The following NAA38 variants were observed in gnomAD, a reference collection of about 807,000 sequenced individuals.
NAA38 encodes the protein N-alpha-acetyltransferase 38, NatC auxiliary subunit, also known as LSM domain containing 1.
A neutral mutation model predicts 12.6 loss-of-function variants in NAA38; 15 were observed. The ratio of observed to expected loss-of-function variants is 1.19; its 90% CI spans 0.79 to 1.83. NAA38 has a LOEUF of 1.83. Ranked by LOEUF, NAA38 falls within the 40% of genes most tolerant of loss-of-function variation. The probability of loss-of-function intolerance (pLI) is 0.00; values close to 1 mark genes in which losing one functional copy is unlikely to be tolerated. For synonymous variants in NAA38, 88 were observed against 69.9 expected, an observed-to-expected ratio of 1.26 and a Z score of -1.29; for missense variants, 183 against 171.7, an observed-to-expected ratio of 1.07 and a Z score of -0.37.
chr17:7,884,480 A>G (rs1201908948), intron 1 of NAA38, among the ~76,000 whole-genome samples: 39 of 128,052 alleles, frequency 3.0e-4, no homozygotes, highest in Non-Finnish European at 4.1e-4. Context: ...ATATATATGT[A>G]TATATATATA....
At chr17:7,872,372 TG>T (rs1477403122) in intron 2 of NAA38, among the ~76,000 whole-genome samples, 9 of 152,188 alleles carry the variant, frequency 5.9e-5, no homozygotes, top group Non-Finnish European at 1.2e-4. Context: ...TTACATTTTT[TG>T]TTTTGTTTTG....
chr17:7,878,029 A>G (rs189622054), intron 2 of NAA38, among the ~76,000 whole-genome samples: 61 of 152,014 alleles, frequency 4.0e-4, no homozygotes, highest in African/African-American at 1.4e-3. Flanking sequence ...TAAAATATGT[A>G]CCTATATTAT....
exon 2 of NAA38, chr17:7,883,327 G>A (rs1322242663): frequency 6.6e-6 from 1 of 152,120 alleles, no homozygotes; most frequent in Non-Finnish European, 1.5e-5. Context: ...TGGAGGGAAG[G>A]CAAATATACT....
chr17:7,871,963 T>C (rs1035543825), intron 2 of NAA38, among the ~76,000 whole-genome samples: 4 of 152,160 alleles, frequency 2.6e-5, no homozygotes, highest in Non-Finnish European at 5.9e-5. Flanking sequence ...CCTTACAATC[T>C]TCTTGTCACT....
intron 1 of NAA38, chr17:7,884,879 G>T: frequency 7.5e-7 from 1 of 1,328,646 alleles, no homozygotes. Flanking sequence ...AGAAGAGGAG[G>T]AAGAAGAGGG....
chr17:7,882,863 G>C (rs73233646), intron 2 of NAA38, among the ~76,000 whole-genome samples: 5 of 152,078 alleles, frequency 3.3e-5, no homozygotes, highest in Non-Finnish European at 7.4e-5. Context: ...GAGCACCGCC[G>C]AAGATGGGTG....
At chr17:7,866,320 G>C (rs1008649478) in intron 3 of NAA38, among the ~76,000 whole-genome samples, 1 of 143,576 alleles carries the variant, frequency 7.0e-6, no homozygotes, top group African/African-American at 2.6e-5. Flanking sequence ...GTGTTAGCCA[G>C]GATGGTCTTG....
intron 2 of NAA38, among the ~76,000 whole-genome samples, chr17:7,879,632 T>G (rs900638570): frequency 2.9e-5 from 4 of 138,294 alleles, no homozygotes; most frequent in African/African-American, 1.1e-4. Context: ...CTTAATAGTC[T>G]TCTCATTAAA....
At chr17:7,875,507 A>C (rs1053530797) in intron 2 of NAA38, among the ~76,000 whole-genome samples, 2 of 151,992 alleles carry the variant, frequency 1.3e-5, no homozygotes, top group Non-Finnish European at 2.9e-5. Flanking sequence ...GCTAATTTTT[A>C]AACTTTTTTT....
chr17:7,873,958 C>G (rs1363489996), intron 2 of NAA38, among the ~76,000 whole-genome samples: 1 of 152,122 alleles, frequency 6.6e-6, no homozygotes. Context: ...GATTCCTGAA[C>G]AGAAACACTG....
In NAA38 at chr17:7,856,738, T is replaced by C; in HGVS notation, c.371A>G (p.Tyr124Cys). ...VQRESLTGPP[Y>C]L is the part of the protein sequence containing the mutation. ...AGGTAAGCGCCATCGTGGTCAGAGA[T>C]ACGGAGGCCCGGTCAGACTCTCCCT... Residue 124 changes from tyrosine to cysteine, a missense_variant, in exon 3 of 3, where the codon TAT becomes TGT. Tyr to Cys is a radical substitution (Grantham distance 194). Transcript: ENST00000575771. The C allele has an allele frequency of 6.2e-7, 1 of 1,613,480 alleles. No homozygotes were observed. Among genetic ancestry groups the C allele is most frequent in the Admixed American group, 1.7e-5 (1 of 60,010 alleles).
At chr17:7,884,422 G>A (rs1967423107) in intron 1 of NAA38, among the ~76,000 whole-genome samples, 1 of 144,306 alleles carries the variant, frequency 6.9e-6, no homozygotes, top group Non-Finnish European at 1.5e-5. Context: ...AACGGAGAGG[G>A]GGGCAGAGAG....
Position 7,871,730 on chromosome 17 carries a change from T to C in NAA38, c.-65-5172A>G, listed in dbSNP as rs556010688. Among the ~76,000 whole-genome samples, 186 of 152,132 alleles carry C rather than the reference T, an allele frequency of 1.2e-3. 3 individuals carry two copies. The highest frequency in any genetic ancestry group is 4.1e-3 in the African/African-American group (171 of 41,492). The stretch of plus-strand genomic sequence containing the variant: ...AGTGCAGTGGTGCAATCTTGGCTCA[T>C]TGCAACCTCCGCCTCCCGAGTTCAA... On this transcript the variant is annotated intron_variant, in intron 2 of 4. Transcript: ENST00000576861.
At chr17:7,872,689 T>C (rs1039460793) in intron 2 of NAA38, among the ~76,000 whole-genome samples, 1 of 152,232 alleles carries the variant, frequency 6.6e-6, no homozygotes, top group African/African-American at 2.4e-5. Flanking sequence ...CACTATTTAA[T>C]CCATCTGAAA....
intron 2 of NAA38, among the ~76,000 whole-genome samples, chr17:7,876,890 T>A (rs1231168649): frequency 3.3e-5 from 5 of 152,196 alleles, no homozygotes; most frequent in Non-Finnish European, 7.4e-5. Context: ...TATTCACATA[T>A]TTTTTTCTTT....
upstream of NAA38, chr17:7,860,575 C>T (rs538807442): frequency 6.6e-6 from 1 of 152,310 alleles, no homozygotes; most frequent in African/African-American, 2.4e-5. Context: ...TCCATGTTCT[C>T]TCAATATAAA....
upstream of NAA38, chr17:7,862,313 T>C (rs1466859875): frequency 6.6e-6 from 1 of 152,050 alleles, no homozygotes; most frequent in Non-Finnish European, 1.5e-5. Flanking sequence ...CTATACCTAG[T>C]GGGGGGGATG....
rs1163450836 is a variant in NAA38, at chr17:7,857,550, C to A, written c.-87G>T. ...GAGATCTCGCGAGCGCTCCCGACCT[C>A]TTTCCTTTCGCGAGATCCCCTCTCC... On this transcript the variant is annotated 5_prime_UTR_variant, in exon 1 of 3. Transcript: ENST00000575771. The A allele has an allele frequency of 2.1e-6, 3 of 1,436,296 alleles. No individual in the cohort carries two copies. In the African/African-American group the frequency reaches 4.3e-5, roughly 21 times the overall value. The allele number at this position is 1,436,296 out of a possible 1,614,324, so 89.0% of individuals were successfully genotyped here. A position where few individuals can be genotyped will look rare whatever the true frequency, so the allele number is the denominator to read the frequency against.
intron 2 of NAA38, among the ~76,000 whole-genome samples, chr17:7,877,556 A>G (rs1267553162): frequency 6.6e-6 from 1 of 152,058 alleles, no homozygotes. Context: ...TAGTTTGTTT[A>G]GCTATTCCTT....
Sources: gnomAD v4.1 joint callset for allele counts (sites outside exome capture counted in the v4.1 genomes callset) on GRCh38, gnomAD v4.1.1 for gene constraint, MANE v1.5 for transcripts, NCBI Gene and HGNC (gene_info 2026-07-23, HGNC 2026-07-21) for gene names.